The following TLE1 variants were observed in gnomAD, a reference collection of about 807,000 sequenced individuals.
TLE1 encodes the protein transducin-like enhancer protein 1.
In TLE1, 21 loss-of-function variants were observed where a neutral mutation model predicts 89.8. The observed-to-expected ratio is 0.23, with a 90% CI of 0.17 to 0.34. The LOEUF is 0.34. Among genes scored for constraint, TLE1 ranks in the 10% least tolerant of loss-of-function variants. TLE1 has a pLI of 1.00. For missense variants in TLE1, 795 were observed against 1,031.2 expected (o/e 0.77, Z 3.14); for synonymous variants, 447 against 407.6 (o/e 1.10, Z -1.16).
chr9:81,636,252 G>A (rs984758770), intron 6 of TLE1, among the ~76,000 whole-genome samples: 12 of 152,084 alleles, frequency 7.9e-5, no homozygotes, highest in Non-Finnish European at 1.6e-4. Flanking sequence ...CACCTTTTAA[G>A]AGCTTGGCAA....
At chr9:81,682,495 G>A (rs1389941019) in intron 4 of TLE1, among the ~76,000 whole-genome samples, 1 of 152,176 alleles carries the variant, frequency 6.6e-6, no homozygotes, top group African/African-American at 2.4e-5. Flanking sequence ...ACAATTTATA[G>A]CATGGCTTCA....
At chr9:81,685,644 T>C (rs1834169538) in intron 4 of TLE1, 32 bp downstream of exon 4, 1 of 1,608,748 alleles carries the variant, frequency 6.2e-7, no homozygotes, top group Non-Finnish European at 8.5e-7. Flanking sequence ...AACTGATGTC[T>C]CATTTCAGCT....
chr9:81,610,185 C>T (rs748187374), intron 14 of TLE1, 35 bp downstream of exon 14: 21 of 1,589,958 alleles, frequency 1.3e-5, no homozygotes, highest in Admixed American at 5.0e-5. Context: ...GAGTAACCAC[C>T]TTTAAAACAA....
At chr9:81,619,930 T>C (rs72747253) in intron 9 of TLE1, among the ~76,000 whole-genome samples, 7,792 of 152,316 alleles carry the variant, frequency 0.051, 312 homozygotes, top group Non-Finnish European at 0.081. Context: ...ATGGAAGACA[T>C]TGAGCTCTGC....
intron 9 of TLE1, among the ~76,000 whole-genome samples, chr9:81,618,457 A>G (rs1824830391): frequency 6.6e-6 from 1 of 152,160 alleles, no homozygotes; most frequent in Non-Finnish European, 1.5e-5. Flanking sequence ...ATTTTCTTCA[A>G]TAGCGTGTTA....
chr9:81,657,738 A>C (rs888065815), intron 4 of TLE1, among the ~76,000 whole-genome samples: 2 of 152,122 alleles, frequency 1.3e-5, no homozygotes, highest in Non-Finnish European at 2.9e-5. Context: ...TCCTTTATAT[A>C]AAATGGTGTA....
chr9:81,664,701 T>C (rs1365593037), intron 4 of TLE1, among the ~76,000 whole-genome samples: 2 of 144,282 alleles, frequency 1.4e-5, no homozygotes, highest in Non-Finnish European at 3.1e-5. Flanking sequence ...AATCTCTCTT[T>C]TAATTAAGAA....
chr9:81,622,887 C>T (rs1825452894), intron 8 of TLE1, among the ~76,000 whole-genome samples: 1 of 152,136 alleles, frequency 6.6e-6, no homozygotes, highest in Non-Finnish European at 1.5e-5. Context: ...GATCCCTGGC[C>T]CACGCAGCTG....
intron 8 of TLE1, among the ~76,000 whole-genome samples, chr9:81,624,023 C>G (rs1407349851): frequency 6.6e-6 from 1 of 152,060 alleles, no homozygotes; most frequent in Non-Finnish European, 1.5e-5. Flanking sequence ...CCATTACAGC[C>G]AAAGTGCCTC....
chr9:81,635,507 G>A (rs1465846899), intron 6 of TLE1, among the ~76,000 whole-genome samples: 1 of 152,048 alleles, frequency 6.6e-6, no homozygotes, highest in African/African-American at 2.4e-5. Flanking sequence ...AATGGCCCCT[G>A]TACCATGAAT....
chr9:81,617,133 C>CAAAAAAAAAA, intron 9 of TLE1, among the ~76,000 whole-genome samples: 1 of 124,190 alleles, frequency 8.1e-6, no homozygotes, highest in Non-Finnish European at 1.8e-5. Context: ...CTAGTTAATG[C>CAAAAAAAAAA]AAAAAAAAAA....
intron 8 of TLE1, among the ~76,000 whole-genome samples, chr9:81,625,253 A>G (rs1426034945): frequency 1.3e-5 from 2 of 152,226 alleles, no homozygotes; most frequent in South Asian, 2.1e-4. Context: ...GCAAATTGCT[A>G]TTTATTAATA....
intron 6 of TLE1, among the ~76,000 whole-genome samples, chr9:81,642,308 G>T (rs1195811312): frequency 6.6e-6 from 1 of 152,080 alleles, no homozygotes; most frequent in Non-Finnish European, 1.5e-5. Context: ...TTAAATATTT[G>T]CAATATTCTT....
chr9:81,622,385 A>T (rs1324863638), intron 8 of TLE1, among the ~76,000 whole-genome samples: 1 of 152,154 alleles, frequency 6.6e-6, no homozygotes, highest in Non-Finnish European at 1.5e-5. Flanking sequence ...TCCTGCTGTC[A>T]TCAGCACTGC....
chr9:81,634,148 G>A lies in TLE1; in HGVS notation c.526C>T (p.His176Tyr), dbSNP rs1354697064. 2 of 1,607,122 alleles carry A rather than the reference G, an allele frequency of 1.2e-6. No individual in the cohort carries two copies. Among genetic ancestry groups the A allele is most frequent in the South Asian group, 1.1e-5 (1 of 89,500 alleles). Residue 176 changes from histidine to tyrosine, a missense_variant, in exon 7 of 20, where the codon CAC becomes TAC. By Grantham distance (83) the His-to-Tyr change is moderately conservative (BLOSUM62 2). This residue lies in a region of TLE1 where 468 missense variants were observed against 509.1 expected (regional missense o/e 0.92). Transcript: ENST00000376499. Reference sequence around the variant, plus strand: ...TTCTTGTCATCTTTTATTGCCAAGTGAGACTGCCCACTCAGAGCACTAGAC... The same window carrying A: ...TTCTTGTCATCTTTTATTGCCAAGTAAGACTGCCCACTCAGAGCACTAGAC... ...ALSSALSGQS[H>Y]LAIKDDKKHH... is the part of the protein sequence containing the mutation.
chr9:81,585,981 A>AG (rs1828356938), intron 17 of TLE1, among the ~76,000 whole-genome samples: 2 of 151,318 alleles, frequency 1.3e-5, no homozygotes, highest in Admixed American at 6.6e-5. Context: ...TCACCTATCA[A>AG]GGGGGATACA....
At chr9:81,633,286 AC>A (rs1826912546) in intron 8 of TLE1, 61 bp downstream of exon 8, 1 of 1,532,568 alleles carries the variant, frequency 6.5e-7, no homozygotes, top group African/African-American at 1.5e-5. Context: ...TCAGAAGGGG[AC>A]CGTGTGTGTG....
At chr9:81,666,328 A>G (rs1831460003) in intron 4 of TLE1, among the ~76,000 whole-genome samples, 1 of 152,206 alleles carries the variant, frequency 6.6e-6, no homozygotes, top group African/African-American at 2.4e-5. Context: ...ACCCCAAGCA[A>G]GCCTATACCT....
intron 4 of TLE1, among the ~76,000 whole-genome samples, chr9:81,675,913 A>G (rs1832849641): frequency 6.6e-6 from 1 of 151,874 alleles, no homozygotes; most frequent in Non-Finnish European, 1.5e-5. Context: ...GTTGGCCAGG[A>G]TGGTCTCGAT....
Sources: allele counts gnomAD v4.1 joint callset (sites outside exome capture counted in the v4.1 genomes callset), GRCh38; gene constraint gnomAD v4.1.1; regional missense constraint gnomAD v4.1.1; transcripts MANE v1.5; gene names NCBI Gene and HGNC (gene_info 2026-07-23, HGNC 2026-07-21).